ZCCHC14: variants seen among roughly 807,000 people sequenced by gnomAD.
ZCCHC14 encodes the protein zinc finger CCHC domain-containing protein 14.
In ZCCHC14, 16 loss-of-function variants were observed where a neutral mutation model predicts 85.0. That is an observed-to-expected ratio of 0.19 (90% CI 0.13 to 0.29). The LOEUF (loss-of-function observed/expected upper bound fraction) is 0.29, where lower values mean the gene tolerates loss of function less well. ZCCHC14 is among the 10% of genes least tolerant of loss of function. The probability of loss-of-function intolerance (pLI) is 1.00; values close to 1 mark genes in which losing one functional copy is unlikely to be tolerated. For synonymous variants in ZCCHC14, 775 were observed against 630.7 expected, an observed-to-expected ratio of 1.23 and a Z score of -3.43; for missense variants, 1,303 against 1,443.5, an observed-to-expected ratio of 0.90 and a Z score of 1.58.
At chr16:87,472,162 ACCT>A (rs1257801820) in intron 1 of ZCCHC14, 1 of 152,086 alleles carries the variant, frequency 6.6e-6, no homozygotes, top group Admixed American at 6.6e-5. Flanking sequence ...GAAAGTGTCA[ACCT>A]CCTGTAGTGA....
Position 87,410,285 on chromosome 16 carries a change from C to T in ZCCHC14, c.3256G>A (p.Asp1086Asn), listed in dbSNP as rs1156365346. The change falls in exon 13 of 13, where the codon GAT (aspartate) becomes AAT (asparagine). Residue 1086 changes from aspartate (D) to asparagine (N), a missense_variant. Transcript: ENST00000671377. Reference protein sequence around the residue: ...APPAESLDSTD With the variant: ...APPAESLDSTN ...TCTGTTGCCAGAGAAAAATATCAAT[C>T]TGTGGAGTCCAGACTTTCTGCTGGA... is the stretch of plus-strand genomic sequence containing the variant. The T allele has an allele frequency of 1.3e-6, 1 of 773,612 alleles. No homozygotes were observed. The highest frequency in any genetic ancestry group is 2.3e-4 in the Middle Eastern group (1 of 4,416). The allele number at this position is 773,612 out of a possible 1,614,324, so 47.9% of individuals were successfully genotyped here. A position where few individuals can be genotyped will look rare whatever the true frequency, so the allele number is the denominator to read the frequency against.
chr16:87,466,199 T>C (rs1911513242), intron 1 of ZCCHC14, among the ~76,000 whole-genome samples: 1 of 152,200 alleles, frequency 6.6e-6, no homozygotes, highest in Non-Finnish European at 1.5e-5. Flanking sequence ...CACAGGCTAC[T>C]TTACAGCTCT....
At chr16:87,430,930 G>C (rs1225229122) in intron 3 of ZCCHC14, among the ~76,000 whole-genome samples, 1 of 151,852 alleles carries the variant, frequency 6.6e-6, no homozygotes, top group Non-Finnish European at 1.5e-5. Flanking sequence ...GCTTGAGCAG[G>C]GGAGTTTGAG....
intron 3 of ZCCHC14, among the ~76,000 whole-genome samples, chr16:87,425,742 C>T (rs1378918202): frequency 6.6e-6 from 1 of 152,182 alleles, no homozygotes; most frequent in African/African-American, 2.4e-5. Context: ...ACACAAACCC[C>T]TGCCGTGAAG....
chr16:87,488,823 C>T (rs1011712351), intron 1 of ZCCHC14, among the ~76,000 whole-genome samples: 1 of 152,200 alleles, frequency 6.6e-6, no homozygotes, highest in Admixed American at 6.5e-5. Context: ...AGCGATCTGC[C>T]CACCTTGACC....
Position 87,414,557 on chromosome 16 carries a change from G to A in ZCCHC14, c.1476-16C>T. ...TGACTTCTCCCTGTGAAATAATCAA[G>A]CACAGGAACAAGTGAGCACTGCCTA... On this transcript the variant is annotated splice_polypyrimidine_tract_variant and intron_variant, in intron 9 of 12. Coordinates refer to ENST00000671377, the MANE Select transcript of ZCCHC14 (RefSeq NM_015144.3). The A allele has an allele frequency of 6.2e-7, 1 of 1,605,426 alleles. No homozygotes were observed. The highest frequency in any genetic ancestry group is 1.1e-5 in the South Asian group (1 of 89,778).
chr16:87,466,723 G>T (rs1911537715), intron 1 of ZCCHC14, among the ~76,000 whole-genome samples: 1 of 152,212 alleles, frequency 6.6e-6, no homozygotes, highest in Non-Finnish European at 1.5e-5. Flanking sequence ...GACTGCATCT[G>T]TGACCAAGTC....
intron 2 of ZCCHC14, among the ~76,000 whole-genome samples, chr16:87,456,531 TC>T (rs1416937794): frequency 0.019 from 149 of 7,690 alleles, no homozygotes; most frequent in Admixed American, 0.022. Context: ...AGACTCTGTC[TC>T]CAAAAAAAAA....
intron 2 of ZCCHC14, among the ~76,000 whole-genome samples, chr16:87,435,248 CAAGTT>C (rs1909863924): frequency 1.3e-5 from 2 of 152,138 alleles, no homozygotes; most frequent in Non-Finnish European, 2.9e-5. Context: ...TCACCCGTGG[CAAGTT>C]AAGTTAATTA....
At chr16:87,417,324 TC>T (rs1339082297) in intron 8 of ZCCHC14, 135 bp downstream of exon 8, 3 of 1,311,344 alleles carry the variant, frequency 2.3e-6, no homozygotes, top group Non-Finnish European at 3.1e-6. Flanking sequence ...GCCCACCGTC[TC>T]CCTTAAGAAC....
intron 2 of ZCCHC14, among the ~76,000 whole-genome samples, chr16:87,454,636 C>T (rs925454134): frequency 1.3e-5 from 2 of 152,268 alleles, no homozygotes; most frequent in Middle Eastern, 3.4e-3. Context: ...TTCAGGCTGA[C>T]GGGAAATGAG....
intron 2 of ZCCHC14, among the ~76,000 whole-genome samples, chr16:87,449,553 G>C (rs1053007813): frequency 6.6e-6 from 1 of 151,910 alleles, no homozygotes; most frequent in Non-Finnish European, 1.5e-5. Context: ...TTTCTCTTTA[G>C]GTCAACAGAG....
At chr16:87,447,236 A>G (rs1233399048) in intron 2 of ZCCHC14, among the ~76,000 whole-genome samples, 2 of 152,212 alleles carry the variant, frequency 1.3e-5, no homozygotes, top group East Asian at 3.9e-4. Flanking sequence ...GCCAGGGGGA[A>G]CTAAGCAGGC....
At chr16:87,475,668 T>C (rs940357526) in intron 1 of ZCCHC14, among the ~76,000 whole-genome samples, 1 of 151,016 alleles carries the variant, frequency 6.6e-6, no homozygotes, top group African/African-American at 2.4e-5. Context: ...GAAGACTCAG[T>C]GAATCTGAAG....
chr16:87,456,862 G>C lies in ZCCHC14; in HGVS notation c.694+3146C>G, dbSNP rs80163775. On this transcript the variant is annotated intron_variant, in intron 2 of 12. Coordinates refer to ENST00000671377, the MANE Select transcript of ZCCHC14 (RefSeq NM_015144.3). ...AGACCAAAAAGATTGAAAACTACTG[G>C]TATATAAACAAGTTTAATGAAAGTA... Among the ~76,000 whole-genome samples the C allele has an allele frequency of 5.4e-3, 815 of 152,206 alleles. 24 individuals carry two copies. In the East Asian group the frequency reaches 0.082, roughly 15 times the overall value.
chr16:87,477,267 T>C lies in ZCCHC14; in HGVS notation c.570+14402A>G, dbSNP rs934391787. On this transcript the variant is annotated intron_variant, in intron 1 of 12. Transcript: ENST00000671377. Reference sequence around the variant, plus strand: ...GAAAAAAAGGAACCCCAACAAAATATCAGACTGCGGTACTGAGGACTATCA... The same window carrying C: ...GAAAAAAAGGAACCCCAACAAAATACCAGACTGCGGTACTGAGGACTATCA... Among the ~76,000 whole-genome samples the C allele has an allele frequency of 5.3e-5, 8 of 151,468 alleles. 1 individual carries two copies. The highest frequency in any genetic ancestry group is 8.8e-5 in the Non-Finnish European group (6 of 67,992).
rs1186098827 is a variant in ZCCHC14, at chr16:87,492,273, G to A, written c.-35C>T. 3.1e-6 allele frequency: 3 copies of A among 978,190 alleles called. No homozygotes were observed. The highest frequency in any genetic ancestry group is 2.3e-4 in the East Asian group (2 of 8,642). The allele number at this position is 978,190 out of a possible 1,614,324, so 60.6% of individuals were successfully genotyped here. Reference sequence around the variant, plus strand: ...CGCGCCGCGCCGCGACCCGGGGCCGGGGACCGCGCGGGGGCGGCCGGGGGG... The same window carrying A: ...CGCGCCGCGCCGCGACCCGGGGCCGAGGACCGCGCGGGGGCGGCCGGGGGG... On this transcript the variant is annotated 5_prime_UTR_variant, in exon 1 of 13. Transcript: ENST00000671377. This position sits in a 1 kb window ranked among gnomAD's most constrained non-coding sequence, Gnocchi z 6.7.
intron 1 of ZCCHC14, among the ~76,000 whole-genome samples, chr16:87,486,860 T>C (rs1423449940): frequency 6.6e-6 from 1 of 152,122 alleles, no homozygotes; most frequent in Non-Finnish European, 1.5e-5. Flanking sequence ...AAACAGTGCT[T>C]TTAGGTCACA....
intron 2 of ZCCHC14, among the ~76,000 whole-genome samples, chr16:87,439,006 T>C (rs571153526): frequency 3.2e-4 from 49 of 152,330 alleles, no homozygotes; most frequent in African/African-American, 8.4e-4. Context: ...TACCACTATA[T>C]TGCTATTTAC....
Sources: gnomAD v4.1 joint callset for allele counts (sites outside exome capture counted in the v4.1 genomes callset) on GRCh38, gnomAD v4.1.1 for gene constraint, Gnocchi (gnomAD v3.1) non-coding constraint, MANE v1.5 for transcripts, NCBI Gene and HGNC (gene_info 2026-07-23, HGNC 2026-07-21) for gene names.